Variants in KCNMB2 observed in about 807,000 individuals in gnomAD.
KCNMB2 encodes potassium calcium-activated channel subfamily M regulatory beta subunit 2.
A neutral mutation model predicts 24.5 loss-of-function variants in KCNMB2; 9 were observed. The observed-to-expected ratio is 0.37, with a 90% CI of 0.22 to 0.64. The LOEUF (loss-of-function observed/expected upper bound fraction) is 0.64. Among genes scored for constraint, KCNMB2 ranks in the 30% least tolerant of loss-of-function variants. KCNMB2 has a pLI of 0.63. For synonymous variants in KCNMB2, 109 were observed against 104.4 expected (o/e 1.04, Z -0.27); for missense variants, 226 against 284.3 (o/e 0.79, Z 1.47).
At chr3:178,710,277 T>C (rs1722406795) in intron 1 of KCNMB2, among the ~76,000 whole-genome samples, 1 of 152,132 alleles carries the variant, frequency 6.6e-6, no homozygotes, top group Admixed American at 6.6e-5. Context: ...AGCAAGGCCT[T>C]TTCAGGGCCC....
At chr3:178,633,477 G>A (rs1329169464) in intron 1 of KCNMB2, among the ~76,000 whole-genome samples, 1 of 152,184 alleles carries the variant, frequency 6.6e-6, no homozygotes, top group Non-Finnish European at 1.5e-5. Flanking sequence ...CCAAGGCTTG[G>A]GGCTCACACC....
chr3:178,564,587 A>G (rs1275500292), intron 1 of KCNMB2, among the ~76,000 whole-genome samples: 1 of 152,188 alleles, frequency 6.6e-6, no homozygotes, highest in Non-Finnish European at 1.5e-5. Context: ...GTGCTAGGTG[A>G]TTTACATGCA....
chr3:178,577,970 G>C (rs1717056508), intron 1 of KCNMB2, among the ~76,000 whole-genome samples: 1 of 152,184 alleles, frequency 6.6e-6, no homozygotes, highest in Non-Finnish European at 1.5e-5. Flanking sequence ...TATTATCCAG[G>C]AGAACTTCCC....
chr3:178,571,119 T>C (rs988568623), intron 1 of KCNMB2, among the ~76,000 whole-genome samples: 2 of 152,206 alleles, frequency 1.3e-5, no homozygotes, highest in African/African-American at 4.8e-5. Flanking sequence ...CTATGTGTAC[T>C]TTAAATATAA....
intron 1 of KCNMB2, among the ~76,000 whole-genome samples, chr3:178,686,146 T>A (rs1721463796): frequency 6.6e-6 from 1 of 152,208 alleles, no homozygotes; most frequent in African/African-American, 2.4e-5. Context: ...TATGTTTTTC[T>A]CACCCATTCT....
chr3:178,654,948 G>T (rs925820893), intron 1 of KCNMB2, among the ~76,000 whole-genome samples: 2 of 152,088 alleles, frequency 1.3e-5, no homozygotes, highest in African/African-American at 4.8e-5. Context: ...GATTATAGTG[G>T]TTTCTACCTC....
intron 4 of KCNMB2, among the ~76,000 whole-genome samples, chr3:178,834,655 T>G (rs1173477494): frequency 6.6e-6 from 1 of 151,926 alleles, no homozygotes; most frequent in Non-Finnish European, 1.5e-5. Flanking sequence ...AAAAAAAAAG[T>G]GGGGGCGTGG....
chr3:178,660,793 G>C (rs543815336), intron 1 of KCNMB2, among the ~76,000 whole-genome samples: 1 of 152,026 alleles, frequency 6.6e-6, no homozygotes, highest in African/African-American at 2.4e-5. Flanking sequence ...TTGTCACCAG[G>C]TCCTATTGCT....
intron 1 of KCNMB2, among the ~76,000 whole-genome samples, chr3:178,802,252 G>A (rs1032198829): frequency 1.3e-5 from 2 of 152,164 alleles, no homozygotes; most frequent in Admixed American, 6.5e-5. Flanking sequence ...AGTTGCCAGA[G>A]TGATGTCATT....
chr3:178,664,226 A>T (rs865865454), intron 1 of KCNMB2, among the ~76,000 whole-genome samples: 1 of 152,098 alleles, frequency 6.6e-6, no homozygotes, highest in Non-Finnish European at 1.5e-5. Flanking sequence ...ATGGAGGAGG[A>T]GGGTCAAGAT....
At chr3:178,842,479 GT>G (rs1413414269) in intron 4 of KCNMB2, among the ~76,000 whole-genome samples, 173 bp from the exon 5 acceptor site, 1 of 152,058 alleles carries the variant, frequency 6.6e-6, no homozygotes, top group Non-Finnish European at 1.5e-5. Context: ...TTAAAACATT[GT>G]TTTAATCAAT....
At chr3:178,560,835 A>C (rs973841943) in intron 1 of KCNMB2, among the ~76,000 whole-genome samples, 1 of 152,236 alleles carries the variant, frequency 6.6e-6, no homozygotes, top group Admixed American at 6.5e-5. Context: ...CTAAGGCTTG[A>C]CTACAGTTGC....
intron 1 of KCNMB2, among the ~76,000 whole-genome samples, chr3:178,568,937 GA>G (rs1337723440): frequency 6.6e-6 from 1 of 152,064 alleles, no homozygotes; most frequent in Non-Finnish European, 1.5e-5. Context: ...TGGTTTAAAA[GA>G]GTTCAGTCTC....
intron 2 of KCNMB2, among the ~76,000 whole-genome samples, chr3:178,809,046 G>T (rs939532564): frequency 1.3e-5 from 2 of 152,098 alleles, no homozygotes; most frequent in African/African-American, 4.8e-5. Context: ...TTTTCTCAAG[G>T]CTTAATCAAA....
At chr3:178,640,747 G>T (rs1319496556) in intron 1 of KCNMB2, among the ~76,000 whole-genome samples, 1 of 152,088 alleles carries the variant, frequency 6.6e-6, no homozygotes. Context: ...TGCTTTGGGG[G>T]TTGTACTAAA....
intron 1 of KCNMB2, among the ~76,000 whole-genome samples, chr3:178,620,928 A>G (rs1228239547): frequency 6.6e-6 from 1 of 152,244 alleles, no homozygotes; most frequent in African/African-American, 2.4e-5. Flanking sequence ...GTTTTGAGAT[A>G]TAAGACCCAA....
intron 1 of KCNMB2, among the ~76,000 whole-genome samples, chr3:178,715,744 CTG>C (rs1271009097): frequency 2.0e-5 from 3 of 152,170 alleles, no homozygotes; most frequent in Non-Finnish European, 4.4e-5. Context: ...GTCAAGTACT[CTG>C]TGTGTTTAGT....
intron 1 of KCNMB2, among the ~76,000 whole-genome samples, chr3:178,676,408 G>C (rs1721072409): frequency 6.6e-6 from 1 of 152,090 alleles, no homozygotes; most frequent in African/African-American, 2.4e-5. Flanking sequence ...TGCAGGGCTG[G>C]GACTGTCAGG....
chr3:178,725,458 T>C (rs1295094586), intron 1 of KCNMB2, among the ~76,000 whole-genome samples: 2 of 152,016 alleles, frequency 1.3e-5, no homozygotes, highest in African/African-American at 4.8e-5. Flanking sequence ...ACCCTAAAGA[T>C]TCTGCAAAAA....
Sources: gnomAD v4.1 joint callset for allele counts (sites outside exome capture counted in the v4.1 genomes callset) on GRCh38, gnomAD v4.1.1 for gene constraint, MANE v1.5 for transcripts, NCBI Gene and HGNC (gene_info 2026-07-23, HGNC 2026-07-21) for gene names.